The following RIMKLB variants were observed in gnomAD, a reference collection of about 807,000 sequenced individuals.
RIMKLB encodes ribosomal modification protein rimK like family member B, also known as beta-citrylglutamate synthase B.
RIMKLB carries 7 observed loss-of-function variants against 32.0 expected under a neutral mutation model. The observed-to-expected ratio is 0.22, with a 90% confidence interval of 0.12 to 0.41. The LOEUF (loss-of-function observed/expected upper bound fraction) is 0.41. RIMKLB is among the 10% of genes least tolerant of loss of function. The pLI, the probability that RIMKLB is intolerant of heterozygous loss-of-function variation, is 1.00. For missense variants in RIMKLB, 289 were observed against 498.7 expected, an observed-to-expected ratio of 0.58 and a Z score of 4.00; for synonymous variants, 172 against 185.1, an observed-to-expected ratio of 0.93 and a Z score of 0.57.
At chr12:8,687,115 C>A (rs1942599950) in intron 1 of RIMKLB, among the ~76,000 whole-genome samples, 1 of 152,118 alleles carries the variant, frequency 6.6e-6, no homozygotes, top group African/African-American at 2.4e-5. Flanking sequence ...CTGAATCCCC[C>A]GAGGGCATGA....
chr12:8,674,056 T>A, the RIMKLB span, among the ~76,000 whole-genome samples: 4 of 151,942 alleles, frequency 2.6e-5, no homozygotes, highest in Non-Finnish European at 5.9e-5. Context: ...AAACTCCACC[T>A]TTTACTGGGA....
At chr12:8,728,105 A>T (rs1033280154) in intron 2 of RIMKLB, among the ~76,000 whole-genome samples, 1 of 152,006 alleles carries the variant, frequency 6.6e-6, no homozygotes, top group Non-Finnish European at 1.5e-5. Context: ...TCTTTCTTAC[A>T]ATTCCCATAT....
chr12:8,698,866 A>G (rs1943121084), intron 1 of RIMKLB, among the ~76,000 whole-genome samples: 1 of 152,148 alleles, frequency 6.6e-6, no homozygotes, highest in African/African-American at 2.4e-5. Context: ...TCTCTGAATG[A>G]GAAGGGGATG....
chr12:8,690,793 C>T (rs1330834722), intron 1 of RIMKLB, among the ~76,000 whole-genome samples: 2 of 152,076 alleles, frequency 1.3e-5, no homozygotes, highest in African/African-American at 2.4e-5. Context: ...TGTGGTGGTG[C>T]ATGCCTGTAA....
In RIMKLB at chr12:8,718,669, A is replaced by ATGTG. The variant is rs1182850325; in HGVS notation, c.175+4666_175+4669dup. ...TCTCTCTCTCTATATATATATATAT[A>ATGTG]TGTGTGTGTGTGTGTGTGTGTGTGT... On this transcript the variant is annotated intron_variant, in intron 2 of 5. Coordinates refer to ENST00000535829, the MANE Select transcript of RIMKLB (RefSeq NM_001297776.2). Among the ~76,000 whole-genome samples, 917 of 116,154 alleles carry ATGTG rather than the reference A, an allele frequency of 7.9e-3. 4 individuals are homozygous for ATGTG. Among genetic ancestry groups the ATGTG allele is most frequent in the East Asian group, 0.024 (98 of 4,104 alleles). 76.2% of individuals were successfully genotyped at this position (116,154 alleles called of 152,430 possible).
rs1481302124 is a variant in RIMKLB, at chr12:8,718,667, ATATGTGTGTG to A, written c.175+4628_175+4637del. Among the ~76,000 whole-genome samples the A allele has an allele frequency of 2.3e-3, 300 of 132,706 alleles. 1 individual carries two copies. The highest frequency in any genetic ancestry group is 4.0e-3 in the Admixed American group (55 of 13,586). 87.1% of individuals were successfully genotyped at this position (132,706 alleles called of 152,430 possible). A position where few individuals can be genotyped will look rare whatever the true frequency, so the allele number is the denominator to read the frequency against. ...TCTCTCTCTCTCTATATATATATAT[ATATGTGTGTG>A]TGTGTGTGTGTGTGTGTGTGTGTGT... On this transcript the variant is annotated intron_variant, in intron 2 of 5. Coordinates refer to ENST00000535829, the MANE Select transcript of RIMKLB (RefSeq NM_001297776.2).
chr12:8,714,227 C>T, intron 2 of RIMKLB, 186 bp downstream of exon 2: 1 of 522,672 alleles, frequency 1.9e-6, no homozygotes. Context: ...TATTAGGAAA[C>T]AGTTGTGAGG....
intron 1 of RIMKLB, among the ~76,000 whole-genome samples, chr12:8,682,026 A>T (rs759817083): frequency 2.0e-5 from 3 of 152,138 alleles, no homozygotes; most frequent in African/African-American, 7.2e-5. Flanking sequence ...GTCAGTATTG[A>T]GTTGGATTGT....
At chr12:8,753,532 TATA>T (rs1479554870) in intron 4 of RIMKLB, among the ~76,000 whole-genome samples, 11 of 152,260 alleles carry the variant, frequency 7.2e-5, no homozygotes, top group Admixed American at 2.6e-4. Flanking sequence ...TAATGTATTC[TATA>T]ATAATATATC....
At chr12:8,764,852 A>G (rs1302660385) in intron 5 of RIMKLB, among the ~76,000 whole-genome samples, 2 of 151,808 alleles carry the variant, frequency 1.3e-5, no homozygotes, top group African/African-American at 4.8e-5. Context: ...ACTGGAAGCA[A>G]GCCCTATTAG....
At chr12:8,724,315 C>T (rs1311083639) in intron 2 of RIMKLB, among the ~76,000 whole-genome samples, 1 of 151,598 alleles carries the variant, frequency 6.6e-6, no homozygotes, top group Non-Finnish European at 1.5e-5. Context: ...TTTTTTTCTT[C>T]CTGATCTTGT....
At chr12:8,754,175 A>C in intron 5 of RIMKLB, 82 bp downstream of exon 5, 1 of 1,008,616 alleles carries the variant, frequency 9.9e-7, no homozygotes, top group South Asian at 1.3e-5. Flanking sequence ...ATGTAACTCT[A>C]GACCTTCTTA....
chr12:8,691,505 G>A (rs1237795910), intron 1 of RIMKLB, among the ~76,000 whole-genome samples: 1 of 152,054 alleles, frequency 6.6e-6, no homozygotes, highest in African/African-American at 2.4e-5. Context: ...AGCTACTCCG[G>A]AGGATGAGGC....
At chr12:8,783,023 G>A (rs1226438546) in exon 8 of RIMKLB, 1 of 152,152 alleles carries the variant, frequency 6.6e-6, no homozygotes, top group African/African-American at 2.4e-5. Context: ...TACAGAACAA[G>A]AAAGCAATAA....
intron 2 of RIMKLB, among the ~76,000 whole-genome samples, chr12:8,743,518 C>A (rs1361127895): frequency 4.9e-5 from 7 of 142,262 alleles, no homozygotes; most frequent in Non-Finnish European, 8.8e-5. Context: ...AAGAGTATAG[C>A]CAAACTGTCC....
At chr12:8,701,196 G>T (rs1943364829) in intron 1 of RIMKLB, among the ~76,000 whole-genome samples, 1 of 152,148 alleles carries the variant, frequency 6.6e-6, no homozygotes. Context: ...GGTTGAGTAG[G>T]GAGATTACGT....
intron 2 of RIMKLB, chr12:8,742,337 C>G (rs1947634302): frequency 6.1e-6 from 1 of 164,814 alleles, no homozygotes; most frequent in East Asian, 1.8e-4. Context: ...CTACTGCCAT[C>G]CTAAAGAATG....
At chr12:8,745,685 C>T (rs1385537989) in intron 2 of RIMKLB, among the ~76,000 whole-genome samples, 1 of 147,676 alleles carries the variant, frequency 6.8e-6, no homozygotes, top group Non-Finnish European at 1.5e-5. Context: ...TGAGCCACTG[C>T]ACCCAGCCTT....
Position 8,774,478 on chromosome 12 carries a change from A to G in RIMKLB, c.*694A>G. The G allele has an allele frequency of 1.0e-6, 1 of 983,960 alleles. No homozygotes were observed. The highest frequency in any genetic ancestry group is 1.2e-6 in the Non-Finnish European group (1 of 828,238). 61.0% of individuals were successfully genotyped at this position (983,960 alleles called of 1,614,324 possible). On this transcript the variant is annotated 3_prime_UTR_variant, in exon 6 of 6. Coordinates refer to ENST00000535829, the MANE Select transcript of RIMKLB (RefSeq NM_001297776.2). ...CGGTATACAAAATAACATTAATTCA[A>G]TGTAGATAAAATTACACTAGTTTAA... is the stretch of plus-strand genomic sequence containing the variant.
Sources: allele counts gnomAD v4.1 joint callset (sites outside exome capture counted in the v4.1 genomes callset), GRCh38; gene constraint gnomAD v4.1.1; transcripts MANE v1.5; gene names NCBI Gene and HGNC (gene_info 2026-07-23, HGNC 2026-07-21).